Variants in HDAC9 observed in about 807,000 individuals in gnomAD.
HDAC9 encodes histone deacetylase 9, also known as MEF-2 interacting transcription repressor (MITR) protein.
In HDAC9, 41 loss-of-function variants were observed where a neutral mutation model predicts 139.4. The ratio of observed to expected loss-of-function variants is 0.29; its 90% CI spans 0.23 to 0.38. The LOEUF (loss-of-function observed/expected upper bound fraction) is 0.38. Among genes scored for constraint, HDAC9 ranks in the 10% least tolerant of loss-of-function variants. The probability of loss-of-function intolerance (pLI) is 1.00; values close to 1 mark genes in which losing one functional copy is unlikely to be tolerated. For synonymous variants in HDAC9, 517 were observed against 476.2 expected (o/e 1.09, Z -1.12); for missense variants, 1,147 against 1,297.0 (o/e 0.88, Z 1.78).
chr7:18,135,476 C>G (rs537153619), intron 1 of HDAC9, among the ~76,000 whole-genome samples: 26 of 129,566 alleles, frequency 2.0e-4, no homozygotes, highest in African/African-American at 7.3e-4. Context: ...CAACTGTCCC[C>G]AGAGTGTGAT....
At chr7:18,568,714 C>T (rs1170434407) in intron 2 of HDAC9, among the ~76,000 whole-genome samples, 1 of 152,038 alleles carries the variant, frequency 6.6e-6, no homozygotes, top group African/African-American at 2.4e-5. Flanking sequence ...AGAGAGGTAG[C>T]TTGGAAATTT....
At chr7:18,311,833 A>C (rs919384308) in intron 1 of HDAC9, among the ~76,000 whole-genome samples, 4 of 152,184 alleles carry the variant, frequency 2.6e-5, no homozygotes, top group African/African-American at 4.8e-5. Flanking sequence ...CGTTAGAGCT[A>C]CTTTTCCATT....
chr7:18,720,748 C>T (rs1397666996), intron 12 of HDAC9, among the ~76,000 whole-genome samples: 3 of 150,912 alleles, frequency 2.0e-5, no homozygotes, highest in South Asian at 2.1e-4. Flanking sequence ...GTGGCCTGAT[C>T]GTGGCTCACT....
intron 6 of HDAC9, among the ~76,000 whole-genome samples, chr7:18,613,763 T>G (rs1837823796): frequency 6.6e-6 from 1 of 152,130 alleles, no homozygotes; most frequent in Non-Finnish European, 1.5e-5. Flanking sequence ...CTCTTCTAAA[T>G]CAGTGTTCTG....
chr7:18,925,866 G>C (rs1804176700), intron 22 of HDAC9, among the ~76,000 whole-genome samples: 1 of 151,654 alleles, frequency 6.6e-6, no homozygotes, highest in Non-Finnish European at 1.5e-5. Flanking sequence ...TTCTATAGCA[G>C]ATATATCATA....
At chr7:18,464,408 A>C (rs1041722721) in intron 1 of HDAC9, among the ~76,000 whole-genome samples, 3 of 151,928 alleles carry the variant, frequency 2.0e-5, no homozygotes, top group African/African-American at 7.2e-5. Context: ...TCTTTTTCCT[A>C]CTTGAATATG....
intron 2 of HDAC9, among the ~76,000 whole-genome samples, chr7:18,169,186 C>T (rs1046307861): frequency 9.2e-5 from 14 of 152,108 alleles, no homozygotes; most frequent in Admixed American, 8.5e-4. Context: ...ATCCACCCAC[C>T]TCGGCCTCCC....
intron 1 of HDAC9, among the ~76,000 whole-genome samples, chr7:18,317,094 AAAAT>A (rs71014322): frequency 0.18 from 23,463 of 127,296 alleles, 2,336 homozygotes; most frequent in Admixed American, 0.24. Flanking sequence ...ACTCTGTCTC[AAAAT>A]AAATAAATAA....
chr7:18,729,056 T>C (rs1343382874), intron 13 of HDAC9, among the ~76,000 whole-genome samples: 1 of 152,142 alleles, frequency 6.6e-6, no homozygotes, highest in African/African-American at 2.4e-5. Flanking sequence ...GAATCAATCA[T>C]GCCTGGTGCT....
intron 2 of HDAC9, among the ~76,000 whole-genome samples, chr7:18,210,577 C>G (rs895481527): frequency 6.6e-6 from 1 of 152,196 alleles, no homozygotes; most frequent in African/African-American, 2.4e-5. Flanking sequence ...ACTTTGCACT[C>G]TGTGACACAT....
intron 1 of HDAC9, among the ~76,000 whole-genome samples, chr7:18,122,299 G>A (rs1197205277): frequency 6.6e-6 from 1 of 152,116 alleles, no homozygotes; most frequent in African/African-American, 2.4e-5. Context: ...TGTTATATGA[G>A]GGCAGTATTC....
intron 1 of HDAC9, among the ~76,000 whole-genome samples, chr7:18,435,059 C>CAAAAAA (rs376786180): frequency 1.4e-3 from 94 of 67,734 alleles, no homozygotes; most frequent in African/African-American, 1.8e-3. Flanking sequence ...ACTACACAGC[C>CAAAAAA]AAAAAAAAAA....
At chr7:18,622,301 T>TAA (rs1383407210) in intron 6 of HDAC9, among the ~76,000 whole-genome samples, 5 of 152,142 alleles carry the variant, frequency 3.3e-5, no homozygotes, top group Admixed American at 2.0e-4. Flanking sequence ...TCCCAAATAT[T>TAA]CATTATTTTA....
chr7:18,612,117 TCTC>T (rs1422038450), intron 6 of HDAC9, among the ~76,000 whole-genome samples: 3 of 152,060 alleles, frequency 2.0e-5, no homozygotes, highest in African/African-American at 7.2e-5. Flanking sequence ...ATTTTTCAAA[TCTC>T]CTGTATTTCT....
At chr7:18,114,257 G>A (rs1213921425) in intron 1 of HDAC9, among the ~76,000 whole-genome samples, 2 of 152,218 alleles carry the variant, frequency 1.3e-5, no homozygotes, top group Admixed American at 1.3e-4. Context: ...GGAAGCAAAC[G>A]CATTAGAGAG....
intron 8 of HDAC9, among the ~76,000 whole-genome samples, chr7:18,637,098 G>A (rs541037682): frequency 1.3e-5 from 2 of 151,982 alleles, no homozygotes; most frequent in Non-Finnish European, 2.9e-5. Context: ...CTTACAACAT[G>A]GGAGGATTTT....
intron 22 of HDAC9, among the ~76,000 whole-genome samples, chr7:18,898,347 T>C (rs1226937360): frequency 3.3e-5 from 5 of 151,900 alleles, no homozygotes; most frequent in African/African-American, 1.2e-4. Context: ...CATAAAAAGA[T>C]GAGTGGTACA....
chr7:18,822,321 G>A (rs1795040431), intron 17 of HDAC9, among the ~76,000 whole-genome samples: 1 of 150,378 alleles, frequency 6.6e-6, no homozygotes, highest in Admixed American at 6.6e-5. Context: ...GAGAGTCCAA[G>A]GGTTTGGTTT....
At chr7:18,364,986 A>G (rs1784068520) in intron 1 of HDAC9, among the ~76,000 whole-genome samples, 1 of 152,122 alleles carries the variant, frequency 6.6e-6, no homozygotes, top group Non-Finnish European at 1.5e-5. Flanking sequence ...ACACAGGGTA[A>G]AAGATTGAAA....
Sources: allele counts gnomAD v4.1 joint callset (sites outside exome capture counted in the v4.1 genomes callset), GRCh38; gene constraint gnomAD v4.1.1; transcripts MANE v1.5; gene names NCBI Gene and HGNC (gene_info 2026-07-23, HGNC 2026-07-21).